The following IRAK2 variants were observed in gnomAD, a reference collection of about 807,000 sequenced individuals.
IRAK2 encodes interleukin-1 receptor-associated kinase-like 2.
IRAK2 carries 57 observed loss-of-function variants against 72.0 expected under a neutral mutation model. That is an observed-to-expected ratio of 0.79 (90% CI 0.64 to 0.99). The LOEUF (loss-of-function observed/expected upper bound fraction) is 0.99. IRAK2 is among the 50% of genes least tolerant of loss of function. The probability of loss-of-function intolerance (pLI) is 0.00; values close to 1 mark genes in which losing one functional copy is unlikely to be tolerated. For synonymous variants in IRAK2, 293 were observed against 312.7 expected (o/e 0.94, Z 0.67); for missense variants, 790 against 794.4 (o/e 0.99, Z 0.07).
chr3:10,171,537 G>A (rs1342345874), intron 1 of IRAK2, among the ~76,000 whole-genome samples: 2 of 152,108 alleles, frequency 1.3e-5, no homozygotes, highest in African/African-American at 4.8e-5. Flanking sequence ...ACTGCCTCGG[G>A]TGAACTCCTG....
intron 10 of IRAK2, among the ~76,000 whole-genome samples, chr3:10,233,562 C>A (rs562875500): frequency 6.6e-6 from 1 of 152,116 alleles, no homozygotes; most frequent in Non-Finnish European, 1.5e-5. Context: ...TATGTAAATA[C>A]AAAATGTATA....
chr3:10,233,072 C>T (rs949050894), intron 10 of IRAK2, among the ~76,000 whole-genome samples: 10 of 152,018 alleles, frequency 6.6e-5, no homozygotes, highest in African/African-American at 1.7e-4. Flanking sequence ...TATTTTGAGA[C>T]GGAGTCTCAC....
chr3:10,175,342 G>C (rs894141155), intron 1 of IRAK2, among the ~76,000 whole-genome samples: 8 of 151,940 alleles, frequency 5.3e-5, no homozygotes, highest in African/African-American at 1.9e-4. Context: ...GGCCAGGCTA[G>C]TATCGAACTC....
chr3:10,234,511 G>C lies in IRAK2; in HGVS notation c.1325G>C (p.Arg442Thr). 1.2e-6 allele frequency: 2 copies of C among 1,614,192 alleles called. No individual in the cohort carries two copies. Among genetic ancestry groups the C allele is most frequent in the Non-Finnish European group, 1.7e-6 (2 of 1,180,042 alleles). Residue 442 changes from arginine (R) to threonine (T), a missense_variant, in exon 11 of 13, where the codon AGG becomes ACG. Arg to Thr is a moderately conservative substitution (Grantham distance 71). Coordinates refer to ENST00000256458, the MANE Select transcript of IRAK2 (RefSeq NM_001570.4). ...AGCAGCACCGCCTCGCTCTGCTCCA[G>C]GAAGACGGGCGTGGAGAACGTGATG... ...IPSSTASLCS[R>T]KTGVENVMAK...
intron 1 of IRAK2, among the ~76,000 whole-genome samples, chr3:10,168,540 G>A (rs538334801): frequency 1.3e-5 from 2 of 152,284 alleles, no homozygotes; most frequent in South Asian, 4.1e-4. Context: ...GTAGCCACCT[G>A]AGCCAGTGTG....
chr3:10,177,963 C>A lies in IRAK2; in HGVS notation c.220C>A (p.Leu74Ile). Residue 74 changes from leucine (L) to isoleucine (I), a missense_variant, in exon 2 of 13, where the codon CTT becomes ATT. Physicochemically the swap from Leu to Ile is conservative, Grantham distance 5. Transcript: ENST00000256458. ...WGMRQATVQQLVDLLCRLELY... is the reference protein window; with the variant it reads ...WGMRQATVQQIVDLLCRLELY... Reference sequence around the variant, plus strand: ...CATGCGGCAGGCCACCGTCCAGCAACTTGTGGACCTCCTGTGCCGCCTGGA... The same window carrying A: ...CATGCGGCAGGCCACCGTCCAGCAAATTGTGGACCTCCTGTGCCGCCTGGA... The A allele has an allele frequency of 6.2e-7, 1 of 1,613,836 alleles. No individual in the cohort carries two copies. Among genetic ancestry groups the A allele is most frequent in the Non-Finnish European group, 8.5e-7 (1 of 1,180,036 alleles).
chr3:10,176,251 C>T (rs968460065), intron 1 of IRAK2, among the ~76,000 whole-genome samples: 10 of 152,062 alleles, frequency 6.6e-5, no homozygotes, highest in East Asian at 5.8e-4. Flanking sequence ...TCTGTGAAGA[C>T]GATGTGGTAT....
intron 3 of IRAK2, among the ~76,000 whole-genome samples, chr3:10,203,144 G>A (rs186147574): frequency 3.9e-5 from 6 of 152,048 alleles, no homozygotes; most frequent in East Asian, 3.9e-4. Context: ...CTATAGGCAC[G>A]CACCACCACG....
chr3:10,181,659 A>G (rs1575957000), intron 2 of IRAK2, among the ~76,000 whole-genome samples: 1 of 152,188 alleles, frequency 6.6e-6, no homozygotes, highest in South Asian at 2.1e-4. Flanking sequence ...ACTGTCATGC[A>G]TAAATGCCCA....
intron 10 of IRAK2, among the ~76,000 whole-genome samples, chr3:10,231,523 GC>G (rs1329910022): frequency 6.6e-6 from 1 of 152,020 alleles, no homozygotes; most frequent in African/African-American, 2.4e-5. Context: ...GAACTCCTGA[GC>G]CCAAGTGATC....
intron 2 of IRAK2, among the ~76,000 whole-genome samples, chr3:10,191,727 G>A (rs1307712922): frequency 6.6e-6 from 1 of 152,134 alleles, no homozygotes; most frequent in Non-Finnish European, 1.5e-5. Context: ...TTCCTGGCCA[G>A]CCTATGGAAG....
chr3:10,220,442 AT>A (rs954658189), intron 8 of IRAK2, among the ~76,000 whole-genome samples: 3 of 148,022 alleles, frequency 2.0e-5, no homozygotes, highest in African/African-American at 5.0e-5. Context: ...CTCTCCCCCA[AT>A]TTTTTTTTTG....
intron 2 of IRAK2, among the ~76,000 whole-genome samples, chr3:10,197,902 A>G (rs1697296384): frequency 6.7e-6 from 1 of 149,928 alleles, no homozygotes; most frequent in Non-Finnish European, 1.5e-5. Context: ...AGAAAACACA[A>G]GGAAGAAGCC....
intron 1 of IRAK2, among the ~76,000 whole-genome samples, chr3:10,175,656 G>A (rs965513578): frequency 9.9e-5 from 15 of 151,976 alleles, no homozygotes; most frequent in South Asian, 2.1e-4. Flanking sequence ...TTGGGAGGCC[G>A]AGGCAGGCGC....
rs147886175 is a variant in IRAK2 at position 10,234,640 on chromosome 3, G to C, written c.1454G>C (p.Arg485Pro). Reference sequence around the variant, plus strand: ...GCTGCCTGCCTGTGCCTGCGGAGGCGTAACACCAGCCTGCAGGAGGTGAGC... The same window carrying C: ...GCTGCCTGCCTGTGCCTGCGGAGGCCTAACACCAGCCTGCAGGAGGTGAGC... Reference protein sequence around the residue: ...ATAACLCLRRRNTSLQEVCGS... With the variant: ...ATAACLCLRRPNTSLQEVCGS... The change falls in exon 11 of 13, where the codon CGT becomes CCT. Residue 485 changes from arginine to proline, a missense_variant. Physicochemically the swap from Arg to Pro is moderately radical, Grantham distance 103 (BLOSUM62 -2). Transcript: ENST00000256458. 231 of 1,612,780 alleles carry C rather than the reference G, an allele frequency of 1.4e-4. No homozygotes were observed. The highest frequency in any genetic ancestry group is 1.8e-4 in the Non-Finnish European group (213 of 1,179,728).
intron 1 of IRAK2, among the ~76,000 whole-genome samples, chr3:10,165,934 T>C (rs1696681156): frequency 6.6e-6 from 1 of 151,936 alleles, no homozygotes; most frequent in African/African-American, 2.4e-5. Flanking sequence ...TTCACCGTGT[T>C]AGCCAGGATG....
chr3:10,242,017 C>A, intron 12 of IRAK2, 99 bp from the exon 13 acceptor site: 1 of 649,536 alleles, frequency 1.5e-6, no homozygotes, highest in Non-Finnish European at 2.7e-6. Context: ...TCATTACACT[C>A]AGGGCCTGAT....
intron 1 of IRAK2, among the ~76,000 whole-genome samples, chr3:10,168,266 A>T (rs1162645870): frequency 6.7e-6 from 1 of 149,170 alleles, no homozygotes; most frequent in African/African-American, 2.5e-5. Context: ...GCTGGAGTGC[A>T]GTGGCATGAT....
At chr3:10,184,491 C>T (rs569407413) in intron 2 of IRAK2, among the ~76,000 whole-genome samples, 1 of 151,786 alleles carries the variant, frequency 6.6e-6, no homozygotes, top group Non-Finnish European at 1.5e-5. Flanking sequence ...GATGTGTAGC[C>T]TTCTCTAATG....
Sources: allele counts gnomAD v4.1 joint callset (sites outside exome capture counted in the v4.1 genomes callset), GRCh38; gene constraint gnomAD v4.1.1; transcripts MANE v1.5; gene names NCBI Gene and HGNC (gene_info 2026-07-23, HGNC 2026-07-21).